Variants in PRX observed in about 807,000 individuals in gnomAD.
PRX encodes the protein periaxin.
PRX carries 24 observed loss-of-function variants against 29.6 expected under a neutral mutation model. The ratio of observed to expected loss-of-function variants is 0.81; its 90% confidence interval spans 0.59 to 1.14. PRX has a LOEUF of 1.14. Ranked by LOEUF, PRX falls within the 50% of genes most tolerant of loss-of-function variation. The pLI is 0.00. For synonymous variants in PRX, 772 were observed against 831.7 expected, an observed-to-expected ratio of 0.93 and a Z score of 1.24; for missense variants, 1,838 against 1,926.4, an observed-to-expected ratio of 0.95 and a Z score of 0.86.
Position 40,395,884 on chromosome 19 carries a change from G to C in PRX, c.2468C>G (p.Ala823Gly). The C allele has an allele frequency of 6.2e-7, 1 of 1,614,104 alleles. No individual in the cohort carries two copies. The highest frequency in any genetic ancestry group is 2.2e-5 in the East Asian group (1 of 44,882). Residue 823 changes from alanine to glycine, a missense_variant, in exon 7 of 7, where the codon GCG becomes GGG. This residue lies in a region of PRX where 1,143 missense variants were observed against 1,193.0 expected (regional missense o/e 0.96). Transcript: ENST00000324001. Reference sequence around the variant, plus strand: ...CAGCTTCCCTGAGACCTCAGCACCCGCCTCGCCTGGCTTGCCACGTGATGG... The same window carrying C: ...CAGCTTCCCTGAGACCTCAGCACCCCCCTCGCCTGGCTTGCCACGTGATGG... ...ESPSRGKPGE[A>G]GAEVSGKLVT...
At chr19:40,411,234 T>C (rs1393050144) in intron 1 of PRX, among the ~76,000 whole-genome samples, 2 of 152,158 alleles carry the variant, frequency 1.3e-5, no homozygotes, top group Non-Finnish European at 2.9e-5. Context: ...CCAACGGTGC[T>C]AGAAACACAC....
chr19:40,404,597 C>G (rs562505575), intron 4 of PRX, among the ~76,000 whole-genome samples: 23 of 151,912 alleles, frequency 1.5e-4, no homozygotes, highest in Admixed American at 1.3e-3. Context: ...GAGACAGGGT[C>G]TCTCACTCTG....
At chr19:40,410,486 C>G (rs1189477289) in intron 1 of PRX, among the ~76,000 whole-genome samples, 1 of 152,170 alleles carries the variant, frequency 6.6e-6, no homozygotes, top group Non-Finnish European at 1.5e-5. Context: ...CTCTCTGCAT[C>G]TCCTAGGGGG....
At position 40,398,690 on chromosome 19, in the gene PRX, T is replaced by A. The variant is rs779240493; in HGVS notation, c.311A>T (p.Asp104Val). 1.2e-5 allele frequency: 20 copies of A among 1,613,696 alleles called. No homozygotes were observed. The highest frequency in any genetic ancestry group is 1.7e-5 in the Admixed American group (1 of 59,962). Residue 104 changes from aspartate (D) to valine (V), a missense_variant, in exon 6 of 7, where the codon GAC becomes GTC. This residue lies in a region of PRX where 666 missense variants were observed against 665.0 expected (regional missense o/e 1.00). Coordinates refer to ENST00000324001, the MANE Select transcript of PRX (RefSeq NM_181882.3). This position sits in a 1 kb window ranked among gnomAD's most constrained non-coding sequence, Gnocchi z 6.3. ...CACGGTCCCGGGCCGCAGAGCCAGG[T>A]CCCCGGTGGGCACAGTGCGCTTCAG... ...FCLKRTVPTG[D>V]LALRPGTVSG...
At chr19:40,404,569 A>T (rs1157703400) in intron 4 of PRX, among the ~76,000 whole-genome samples, 2 of 151,402 alleles carry the variant, frequency 1.3e-5, no homozygotes, top group African/African-American at 4.9e-5. Flanking sequence ...GGAGACCCTT[A>T]TTATTTTTTT....
rs1231563620 is a variant in PRX, at chr19:40,398,025, G to A, written c.382-55C>T. On this transcript the variant is annotated intron_variant, in intron 6 of 6. Coordinates refer to ENST00000324001, the MANE Select transcript of PRX (RefSeq NM_181882.3). This position sits in a 1 kb window ranked among gnomAD's most constrained non-coding sequence, Gnocchi z 6.3. Reference sequence around the variant, plus strand: ...GTGGGACAGTGGGAGGCTGGGAGTGGACAGGAAGAGCCCCACCTGGTATTG... The same window carrying A: ...GTGGGACAGTGGGAGGCTGGGAGTGAACAGGAAGAGCCCCACCTGGTATTG... 1.3e-6 allele frequency: 2 copies of A among 1,559,026 alleles called. No homozygotes were observed. The highest frequency in any genetic ancestry group is 1.7e-6 in the Non-Finnish European group (2 of 1,151,848).
rs1273222300 is a variant in PRX at position 40,396,277 on chromosome 19, T to A, written c.2075A>T (p.Lys692Ile). ...GGCCATTTCAGGCACCTTGGGGAGTTTCATCTCTGAGACTTTTGGCAGCTG... is the reference window on the plus strand; with the variant it reads ...GGCCATTTCAGGCACCTTGGGGAGTATCATCTCTGAGACTTTTGGCAGCTG... ...EVQLPKVSEM[K>I]LPKVPEMAVP... Residue 692 changes from lysine to isoleucine, a missense_variant, in exon 7 of 7, where the codon AAA becomes ATA. Coordinates refer to ENST00000324001, the MANE Select transcript of PRX (RefSeq NM_181882.3). The A allele has an allele frequency of 1.2e-6, 2 of 1,612,176 alleles. No homozygotes were observed. The highest frequency in any genetic ancestry group is 1.7e-6 in the Non-Finnish European group (2 of 1,179,604).
At chr19:40,399,211 C>T (rs1241560292) in intron 5 of PRX, among the ~76,000 whole-genome samples, 1 of 152,138 alleles carries the variant, frequency 6.6e-6, no homozygotes, top group Non-Finnish European at 1.5e-5. Context: ...TGAACTAACC[C>T]CACTCCTAGC....
chr19:40,402,212 G>A (rs1025326465), intron 5 of PRX, among the ~76,000 whole-genome samples: 1 of 151,394 alleles, frequency 6.6e-6, no homozygotes, highest in African/African-American at 2.4e-5. Context: ...AAATTAGCCG[G>A]GCATGGTGGC....
chr19:40,395,854 G>A lies in PRX; in HGVS notation c.2498C>T (p.Thr833Ile). 6.2e-7 allele frequency: 1 copy of A among 1,614,174 alleles called. No homozygotes were observed. Among genetic ancestry groups the A allele is most frequent in the Non-Finnish European group, 8.5e-7 (1 of 1,180,038 alleles). Residue 833 changes from threonine to isoleucine, a missense_variant, in exon 7 of 7, where the codon ACA becomes ATA. Physicochemically the swap from Thr to Ile is moderately conservative, Grantham distance 89 (BLOSUM62 -1). This residue lies in a region of PRX where 1,143 missense variants were observed against 1,193.0 expected (regional missense o/e 0.96). Transcript: ENST00000324001. ...CACCTCTGGCTGCAGACAGGGAAGT[G>A]TTACCAGCTTCCCTGAGACCTCAGC... ...AGAEVSGKLVTLPCLQPEVDG... is the reference protein window; with the variant it reads ...AGAEVSGKLVILPCLQPEVDG...
In PRX at chr19:40,396,290, CT is replaced by C; in HGVS notation, c.2061del (p.Val688SerfsTer4). The C allele has an allele frequency of 6.2e-7, 1 of 1,601,826 alleles. No individual in the cohort carries two copies. The highest frequency in any genetic ancestry group is 8.5e-7 in the Non-Finnish European group (1 of 1,176,356). Reference sequence around the variant, plus strand: ...ACCTTGGGGAGTTTCATCTCTGAGACTTTTGGCAGCTGCACCTCGGGGAGTC... The same window carrying C: ...ACCTTGGGGAGTTTCATCTCTGAGACTTTGGCAGCTGCACCTCGGGGAGTC... Reference protein sequence around the residue: ...EVRLPEVQLPKVSEMKLPKVP... With the variant: ...EVRLPEVQLPXVSEMKLPKVP... On this transcript the variant is annotated frameshift_variant, in exon 7 of 7. Coordinates refer to ENST00000324001, the MANE Select transcript of PRX (RefSeq NM_181882.3). LOFTEE classifies it low-confidence loss of function (END_TRUNC).
At chr19:40,406,037 A>G (rs1224640182) in intron 4 of PRX, among the ~76,000 whole-genome samples, 4 of 150,612 alleles carry the variant, frequency 2.7e-5, no homozygotes, top group African/African-American at 9.7e-5. Context: ...ACCTGAGGTC[A>G]GGAGTTCAAG....
In PRX at chr19:40,395,032, T is replaced by A; in HGVS notation, c.3320A>T (p.Gln1107Leu). ...AGCCCCCTCTGCCCTCCCTTCCTCC[T>A]GGGCGCCCAGCGTGACCAGCTCCAC... ...PEVELVTLGAQEEGRAEGAVA... is the reference protein window; with the variant it reads ...PEVELVTLGALEEGRAEGAVA... Residue 1107 changes from glutamine to leucine, a missense_variant, in exon 7 of 7, where the codon CAG becomes CTG. Physicochemically the swap from Gln to Leu is moderately radical, Grantham distance 113. Around this residue, in one of 3 missense-constraint regions of PRX, gnomAD observed 1,143 missense variants for 1,193.0 expected, o/e 0.96. Transcript: ENST00000324001. The A allele has an allele frequency of 6.2e-7, 1 of 1,610,906 alleles. No homozygotes were observed. Among genetic ancestry groups the A allele is most frequent in the South Asian group, 1.1e-5 (1 of 91,074 alleles).
chr19:40,402,250 A>T (rs1236268306), intron 5 of PRX, among the ~76,000 whole-genome samples: 5 of 151,816 alleles, frequency 3.3e-5, no homozygotes, highest in Admixed American at 2.0e-4. Flanking sequence ...GTTACTAGGG[A>T]GGCTGAGGCA....
Position 40,394,887 on chromosome 19 carries a change from C to T in PRX, c.3465G>A (p.Val1155=). 1 of 1,611,410 alleles carries T rather than the reference C, an allele frequency of 6.2e-7. No homozygotes were observed. The change falls in exon 7 of 7, where the codon GTG becomes GTA. Residue 1155 remains valine (V), a synonymous_variant. Transcript: ENST00000324001. The surrounding 1 kb of genome is among the most constrained non-coding windows in gnomAD (Gnocchi z 5.8). ...CTGCCTCCCCAAAGCCGGTCAGCTC[C>T]ACCTGTGGCAGGGAGATGCCCAGCG... is the stretch of plus-strand genomic sequence containing the variant. ...MPPLGISLPQ[V]ELTGFGEAGT... is the part of the protein sequence containing the mutation.
In PRX at chr19:40,397,463, G is replaced by A; in HGVS notation, c.889C>T (p.Leu297=). ...AVGIQVPQVE[L]PALPSLPTLP... ...GTGGGCAGTGAGGGCAAGGCAGGCA[G>A]CTCCACCTGGGGGACCTGGATTCCC... Residue 297 remains leucine (L), a synonymous_variant, in exon 7 of 7, where the codon CTG becomes TTG. Coordinates refer to ENST00000324001, the MANE Select transcript of PRX (RefSeq NM_181882.3). 1 of 1,579,970 alleles carries A rather than the reference G, an allele frequency of 6.3e-7. No individual in the cohort carries two copies. The highest frequency in any genetic ancestry group is 8.6e-7 in the Non-Finnish European group (1 of 1,164,768).
At chr19:40,400,927 G>A (rs1172337853) in intron 5 of PRX, among the ~76,000 whole-genome samples, 1 of 152,100 alleles carries the variant, frequency 6.6e-6, no homozygotes, top group Non-Finnish European at 1.5e-5. Context: ...CTCCACCCTA[G>A]ACTCACATCC....
intron 1 of PRX, among the ~76,000 whole-genome samples, chr19:40,408,819 GT>G (rs149033741): frequency 5.6e-5 from 7 of 125,048 alleles, no homozygotes; most frequent in African/African-American, 2.7e-4. Context: ...TGTTGGTGGT[GT>G]GTGTGTGTGT....
At position 40,396,638 on chromosome 19, in the gene PRX, C is replaced by T. The variant is rs370979792; in HGVS notation, c.1714G>A (p.Val572Met). ...VAVPEVRLPE[V>M]QLPKVPEMKV... ...ATCTCTGGCACTTTCGGCAGCTGCA[C>T]CTCTGGAAGCCGCACCTCTGGCACA... Residue 572 changes from valine to methionine, a missense_variant, in exon 7 of 7, where the codon GTG becomes ATG. Physicochemically the swap from Val to Met is conservative, Grantham distance 21 (BLOSUM62 1). Transcript: ENST00000324001. 2.9e-5 allele frequency: 46 copies of T among 1,613,946 alleles called. No homozygotes were observed. The highest frequency in any genetic ancestry group is 3.7e-5 in the Non-Finnish European group (44 of 1,180,008).
Sources: gnomAD v4.1 joint callset for allele counts (sites outside exome capture counted in the v4.1 genomes callset) on GRCh38, gnomAD v4.1.1 for gene constraint, gnomAD v4.1.1 regional missense constraint, Gnocchi (gnomAD v3.1) non-coding constraint, MANE v1.5 for transcripts, NCBI Gene and HGNC (gene_info 2026-07-23, HGNC 2026-07-21) for gene names.